DIS3L2: variants seen among roughly 807,000 people sequenced by gnomAD.
DIS3L2 encodes the protein DIS3 like 3'-5' exoribonuclease 2.
DIS3L2 carries 34 observed loss-of-function variants against 97.5 expected under a neutral mutation model. The observed-to-expected ratio is 0.35, with a 90% CI of 0.27 to 0.46. The LOEUF (loss-of-function observed/expected upper bound fraction) is 0.46. Among genes scored for constraint, DIS3L2 ranks in the 20% least tolerant of loss-of-function variants. DIS3L2 has a pLI of 1.00. For missense variants in DIS3L2, 1,038 were observed against 1,146.0 expected (o/e 0.91, Z 1.36); for synonymous variants, 435 against 445.2 (o/e 0.98, Z 0.29).
At chr2:232,240,385 A>G (rs1253547107) in intron 11 of DIS3L2, among the ~76,000 whole-genome samples, 1 of 152,210 alleles carries the variant, frequency 6.6e-6, no homozygotes, top group African/African-American at 2.4e-5. Context: ...AGAGAGGAAG[A>G]CAGAGTTGAT....
At chr2:231,987,845 T>A (rs1693462098) in intron 1 of DIS3L2, among the ~76,000 whole-genome samples, 1 of 152,144 alleles carries the variant, frequency 6.6e-6, no homozygotes, top group Non-Finnish European at 1.5e-5. Flanking sequence ...TTTCTTTCTT[T>A]CTTTTTTTTT....
At position 232,333,851 on chromosome 2, in the gene DIS3L2, C is replaced by T; in HGVS notation, c.2022C>T (p.Tyr674=). ...MCSRPMQMAL[Y]FCSGLLQDPA... Reference sequence around the variant, plus strand: ...ATCCCGTCCCGCAGATGGCACTGTACTTCTGCTCGGGGCTGCTGCAGGACC... The same window carrying T: ...ATCCCGTCCCGCAGATGGCACTGTATTTCTGCTCGGGGCTGCTGCAGGACC... Residue 674 remains tyrosine, a synonymous_variant, in exon 17 of 21, where the codon TAC becomes TAT. Transcript: ENST00000325385. 1.2e-6 allele frequency: 2 copies of T among 1,611,568 alleles called. No individual in the cohort carries two copies. The highest frequency in any genetic ancestry group is 2.2e-5 in the South Asian group (2 of 90,960).
chr2:232,175,301 T>A (rs1210991353), intron 9 of DIS3L2, among the ~76,000 whole-genome samples: 1 of 152,124 alleles, frequency 6.6e-6, no homozygotes, highest in African/African-American at 2.4e-5. Context: ...TTTTTGTTCT[T>A]TATTAATCTG....
intron 13 of DIS3L2, among the ~76,000 whole-genome samples, chr2:232,283,456 C>T (rs1694348335): frequency 6.6e-6 from 1 of 152,114 alleles, no homozygotes; most frequent in South Asian, 2.1e-4. Flanking sequence ...AAAGTCTTAC[C>T]GTGTTGCCCA....
chr2:232,218,261 C>G (rs961574885), intron 10 of DIS3L2, among the ~76,000 whole-genome samples: 1 of 152,186 alleles, frequency 6.6e-6, no homozygotes, highest in Non-Finnish European at 1.5e-5. Context: ...CTCACACACA[C>G]ATATATGTCC....
At chr2:232,296,977 A>G (rs1452719506) in intron 13 of DIS3L2, among the ~76,000 whole-genome samples, 2 of 152,156 alleles carry the variant, frequency 1.3e-5, no homozygotes, top group Non-Finnish European at 2.9e-5. Flanking sequence ...TAGTTCCTTC[A>G]TGACTAAGGA....
At position 232,249,240 on chromosome 2, in the gene DIS3L2, T is replaced by C. The variant is rs1266251673; in HGVS notation, c.1319T>C (p.Val440Ala). ...CATGGGCCTGTGCTCTATTTACAGG[T>C]GGTCCCCATGCTTCCCAGGCTGCTG... Reference protein sequence around the residue: ...RATSVYLVQKVVPMLPRLLCE... With the variant: ...RATSVYLVQKAVPMLPRLLCE... The change falls in exon 12 of 21, where the codon GTG becomes GCG. Residue 440 changes from valine (V) to alanine (A), a missense_variant and splice_region_variant. Coordinates refer to ENST00000325385, the MANE Select transcript of DIS3L2 (RefSeq NM_152383.5). 2.5e-6 allele frequency: 4 copies of C among 1,613,670 alleles called. No homozygotes were observed. The highest frequency in any genetic ancestry group is 3.4e-6 in the Non-Finnish European group (4 of 1,179,968).
chr2:232,091,843 T>C (rs2106314312), intron 6 of DIS3L2, among the ~76,000 whole-genome samples: 1 of 152,342 alleles, frequency 6.6e-6, no homozygotes, highest in East Asian at 1.9e-4. Flanking sequence ...AAAGCCATTT[T>C]AACCAGGATG....
At chr2:232,326,262 G>C (rs1468913255) in intron 14 of DIS3L2, among the ~76,000 whole-genome samples, 1 of 152,178 alleles carries the variant, frequency 6.6e-6, no homozygotes, top group Admixed American at 6.5e-5. Flanking sequence ...GCTGGCCGCA[G>C]ATGAGAGCCC....
In DIS3L2 at chr2:232,292,695, G is replaced by A; in HGVS notation, c.1660-7345G>A. On this transcript the variant is annotated intron_variant, in intron 13 of 20. Coordinates refer to ENST00000325385, the MANE Select transcript of DIS3L2 (RefSeq NM_152383.5). The surrounding 1 kb of genome is among the most constrained non-coding windows in gnomAD (Gnocchi z 4.4). ...GAGCCTGCCCTCCTGTGTGACCTCA[G>A]CCTGAGCCCCTGAAAGGAGAAGGCT... 6.6e-6 allele frequency among the ~76,000 whole-genome samples: 1 copy of A among 152,208 alleles called. No homozygotes were observed. The highest frequency in any genetic ancestry group is 2.1e-4 in the South Asian group (1 of 4,830).
chr2:232,198,089 C>T (rs1010578926), intron 9 of DIS3L2, among the ~76,000 whole-genome samples: 1 of 152,054 alleles, frequency 6.6e-6, no homozygotes, highest in African/African-American at 2.4e-5. Context: ...TGAGTCATAG[C>T]TCTGCAGTTC....
intron 9 of DIS3L2, among the ~76,000 whole-genome samples, chr2:232,177,074 C>T (rs1023173653): frequency 2.1e-5 from 3 of 146,010 alleles, no homozygotes; most frequent in Non-Finnish European, 4.5e-5. Flanking sequence ...TTTGTTCTTG[C>T]GATAGTTTAC....
At chr2:232,129,602 T>C (rs776372408) in intron 6 of DIS3L2, among the ~76,000 whole-genome samples, 4 of 152,234 alleles carry the variant, frequency 2.6e-5, no homozygotes, top group Non-Finnish European at 4.4e-5. Flanking sequence ...AGCAAACAGT[T>C]GATCATTCTT....
chr2:232,077,363 T>A (rs1696225140), intron 5 of DIS3L2, among the ~76,000 whole-genome samples: 1 of 151,664 alleles, frequency 6.6e-6, no homozygotes. Context: ...AACTTCAGGA[T>A]GTATCTGACA....
chr2:232,339,519 G>T (rs1159835140), downstream of DIS3L2, among the ~76,000 whole-genome samples: 1 of 152,250 alleles, frequency 6.6e-6, no homozygotes, highest in African/African-American at 2.4e-5. Context: ...CGCCAGAGTT[G>T]TGTGTGGCCT....
At chr2:232,023,355 G>A (rs1694573399) in intron 3 of DIS3L2, among the ~76,000 whole-genome samples, 1 of 152,168 alleles carries the variant, frequency 6.6e-6, no homozygotes, top group Admixed American at 6.5e-5. Context: ...AGTGCAGAAG[G>A]AAATTATTTT....
At chr2:232,343,537 A>G (rs766628592) in exon 14 of DIS3L2, 52 of 1,564,082 alleles carry the variant, frequency 3.3e-5, no homozygotes, top group Middle Eastern at 1.7e-4. Flanking sequence ...CCAAAACACG[A>G]TAAGAGTAGA....
exon 14 of DIS3L2, chr2:232,343,613 AT>A (rs762712723): frequency 1.4e-4 from 224 of 1,563,536 alleles, no homozygotes; most frequent in Non-Finnish European, 1.8e-4. Context: ...AGAAGGAAAG[AT>A]TATGGAAAGA....
chr2:232,110,263 A>G (rs1277785476), intron 6 of DIS3L2, among the ~76,000 whole-genome samples: 5 of 152,230 alleles, frequency 3.3e-5, no homozygotes, highest in Non-Finnish European at 7.3e-5. Context: ...AATTAGTTCA[A>G]TCATTGTGGA....
Sources: gnomAD v4.1 joint callset for allele counts (sites outside exome capture counted in the v4.1 genomes callset) on GRCh38, gnomAD v4.1.1 for gene constraint, Gnocchi (gnomAD v3.1) non-coding constraint, MANE v1.5 for transcripts, NCBI Gene and HGNC (gene_info 2026-07-23, HGNC 2026-07-21) for gene names.